Variants in GLP2R observed in about 807,000 individuals in gnomAD.
The protein encoded by GLP2R is glucagon-like peptide 2 receptor.
A neutral mutation model predicts 68.2 loss-of-function variants in GLP2R; 59 were observed. The observed-to-expected ratio is 0.87, with a 90% confidence interval of 0.70 to 1.07. The LOEUF is 1.07. Among genes scored for constraint, GLP2R ranks in the 50% least tolerant of loss-of-function variants. The pLI is 0.00. For synonymous variants in GLP2R, 270 were observed against 265.4 expected, an observed-to-expected ratio of 1.02 and a Z score of -0.17; for missense variants, 548 against 677.4, an observed-to-expected ratio of 0.81 and a Z score of 2.12.
At chr17:9,835,403 A>G (rs926181062) in intron 2 of GLP2R, among the ~76,000 whole-genome samples, 2 of 152,126 alleles carry the variant, frequency 1.3e-5, no homozygotes, top group African/African-American at 4.8e-5. Context: ...CAGGAGGCCC[A>G]TAAGGTGGAG....
rs2066800359 is a variant in GLP2R, at chr17:9,842,781, C to T, written c.504+165C>T. On this transcript the variant is annotated intron_variant, in intron 4 of 12. Coordinates refer to ENST00000262441, the MANE Select transcript of GLP2R (RefSeq NM_004246.3). ...CGCAAAGCAGCAACCCTTGTGGCGG[C>T]CATGGAATTTCTTCCACTACTAGGC... Among the ~76,000 whole-genome samples, 3 of 152,308 alleles carry T rather than the reference C, an allele frequency of 2.0e-5. No individual in the cohort carries two copies. The East Asian group carries it at 5.8e-4, about 29-fold the overall frequency.
At chr17:9,856,271 C>T (rs559734594) in intron 5 of GLP2R, among the ~76,000 whole-genome samples, 3 of 152,304 alleles carry the variant, frequency 2.0e-5, no homozygotes, top group South Asian at 2.1e-4. Context: ...GAAGTCACTT[C>T]GGCCAAGCCT....
intron 12 of GLP2R, 36 bp from the exon 13 acceptor site, chr17:9,889,334 C>T (rs1250330200): frequency 1.4e-6 from 2 of 1,458,110 alleles, no homozygotes; most frequent in African/African-American, 2.8e-5. Context: ...CTAAATGACT[C>T]CAAGACAGTA....
chr17:9,830,407 T>G (rs991539438), intron 1 of GLP2R, among the ~76,000 whole-genome samples: 1 of 152,344 alleles, frequency 6.6e-6, no homozygotes, highest in East Asian at 1.9e-4. Context: ...AAAAATGATT[T>G]AGAGTCAGTT....
At chr17:9,834,423 G>A (rs1482926628) in intron 2 of GLP2R, 4 of 162,776 alleles carry the variant, frequency 2.5e-5, no homozygotes, top group South Asian at 1.6e-4. Context: ...GGGGGTGGGG[G>A]GCGCGGGTCT....
At chr17:9,830,757 C>G (rs376065083) in intron 1 of GLP2R, among the ~76,000 whole-genome samples, 3 of 152,180 alleles carry the variant, frequency 2.0e-5, no homozygotes, top group East Asian at 3.8e-4. Flanking sequence ...CATTAGATCT[C>G]ACCCCCTCCC....
At chr17:9,862,146 C>G (rs367669929) in intron 9 of GLP2R, 56 bp downstream of exon 9, 1 of 1,299,616 alleles carries the variant, frequency 7.7e-7, no homozygotes, top group South Asian at 1.2e-5. Flanking sequence ...GTGGGGAATC[C>G]CCCCGCCCCA....
At chr17:9,873,464 A>G (rs943006995) in intron 10 of GLP2R, among the ~76,000 whole-genome samples, 3 of 151,760 alleles carry the variant, frequency 2.0e-5, no homozygotes, top group Admixed American at 2.0e-4. Flanking sequence ...AATGCGGGAT[A>G]GAACCTCACA....
intron 1 of GLP2R, among the ~76,000 whole-genome samples, chr17:9,826,777 C>T (rs568430523): frequency 6.6e-6 from 1 of 152,326 alleles, no homozygotes; most frequent in South Asian, 2.1e-4. Context: ...ACAAATCACT[C>T]TACTTCCAAC....
In GLP2R at chr17:9,891,175, T is replaced by A. The variant is rs984662172; in HGVS notation, c.*1470T>A. 3 of 152,198 alleles carry A rather than the reference T, an allele frequency of 2.0e-5. No individual in the cohort carries two copies. The highest frequency in any genetic ancestry group is 6.5e-5 in the Admixed American group (1 of 15,282). 9.4% of individuals were successfully genotyped at this position (152,198 alleles called of 1,614,324 possible). On this transcript the variant is annotated 3_prime_UTR_variant, in exon 13 of 13. Coordinates refer to ENST00000262441, the MANE Select transcript of GLP2R (RefSeq NM_004246.3). ...AATTTGAATTTCAGACAAATAGTCTTCTTGTATAAGTATATCCCATGGGCA... is the reference window on the plus strand; with the variant it reads ...AATTTGAATTTCAGACAAATAGTCTACTTGTATAAGTATATCCCATGGGCA...
At chr17:9,886,321 TG>T (rs2067243999) in intron 11 of GLP2R, among the ~76,000 whole-genome samples, 1 of 152,226 alleles carries the variant, frequency 6.6e-6, no homozygotes, top group Non-Finnish European at 1.5e-5. Context: ...CCATGTGTTC[TG>T]TGGGACCCAC....
chr17:9,826,265 C>CATTATT lies in GLP2R; in HGVS notation c.189+25_189+30dup. ...TTCCATCAAGCAAGTAAGAGCAGTT[C>CATTATT]ATTATTATTATTATTATCAGTTGTA... On this transcript the variant is annotated intron_variant, in intron 1 of 12. Transcript: ENST00000262441. The CATTATT allele has an allele frequency of 6.6e-7, 1 of 1,526,646 alleles. No homozygotes were observed. Among genetic ancestry groups the CATTATT allele is most frequent in the African/African-American group, 1.4e-5 (1 of 71,380 alleles). 94.6% of individuals were successfully genotyped at this position (1,526,646 alleles called of 1,614,324 possible). A position where few individuals can be genotyped will look rare whatever the true frequency, so the allele number is the denominator to read the frequency against.
intron 11 of GLP2R, 150 bp downstream of exon 11, chr17:9,880,666 G>T: frequency 1.9e-6 from 1 of 536,632 alleles, no homozygotes; most frequent in South Asian, 3.1e-5. Context: ...CATTAGAAGG[G>T]CATGCAGACG....
At chr17:9,866,063 G>T in intron 9 of GLP2R, 1 of 368,882 alleles carries the variant, frequency 2.7e-6, no homozygotes, top group Non-Finnish European at 5.3e-6. Flanking sequence ...TCTGTGCATT[G>T]GTTCTAGGGC....
intron 1 of GLP2R, among the ~76,000 whole-genome samples, chr17:9,829,024 G>A (rs2066657311): frequency 6.6e-6 from 1 of 152,124 alleles, no homozygotes; most frequent in Non-Finnish European, 1.5e-5. Context: ...AGACTTTCAT[G>A]ATAAATTCTG....
At position 9,854,485 on chromosome 17, in the gene GLP2R, C is replaced by T. The variant is rs767336494; in HGVS notation, c.505-10C>T. On this transcript the variant is annotated splice_polypyrimidine_tract_variant and intron_variant, in intron 4 of 12. Coordinates refer to ENST00000262441, the MANE Select transcript of GLP2R (RefSeq NM_004246.3). Reference sequence around the variant, plus strand: ...CTTAGTGGTCATGTCTGCTCTTCCTCTGTGTTCAGGTGGATCGTTATGCCT... The same window carrying T: ...CTTAGTGGTCATGTCTGCTCTTCCTTTGTGTTCAGGTGGATCGTTATGCCT... The T allele has an allele frequency of 4.5e-6, 7 of 1,550,874 alleles. No individual in the cohort carries two copies. The highest frequency in any genetic ancestry group is 1.7e-5 in the Admixed American group (1 of 59,930).
intron 11 of GLP2R, among the ~76,000 whole-genome samples, chr17:9,886,448 T>C (rs1597407558): frequency 6.6e-6 from 1 of 152,310 alleles, no homozygotes; most frequent in South Asian, 2.1e-4. Context: ...AATCCTATTT[T>C]AGCCAACTTG....
chr17:9,853,569 A>G (rs915602126), intron 4 of GLP2R, among the ~76,000 whole-genome samples: 1 of 152,252 alleles, frequency 6.6e-6, no homozygotes, highest in Non-Finnish European at 1.5e-5. Context: ...CATTAGAAGG[A>G]TAATAAGAGA....
intron 5 of GLP2R, among the ~76,000 whole-genome samples, chr17:9,856,481 G>A (rs1028216244): frequency 2.6e-5 from 4 of 152,194 alleles, no homozygotes; most frequent in South Asian, 2.1e-4. Context: ...TACCCAGGGA[G>A]CACAGCTTTC....
Sources: allele counts gnomAD v4.1 joint callset (sites outside exome capture counted in the v4.1 genomes callset), GRCh38; gene constraint gnomAD v4.1.1; transcripts MANE v1.5; gene names NCBI Gene and HGNC (gene_info 2026-07-23, HGNC 2026-07-21).